ARHGAP21: variants seen among roughly 807,000 people sequenced by gnomAD.
ARHGAP21 encodes rho GTPase-activating protein 21.
ARHGAP21 carries 38 observed loss-of-function variants against 164.6 expected under a neutral mutation model. That is an observed-to-expected ratio of 0.23 (90% confidence interval 0.18 to 0.30). The LOEUF (loss-of-function observed/expected upper bound fraction) is 0.30. Among genes scored for constraint, ARHGAP21 ranks in the 10% least tolerant of loss-of-function variants. The pLI is 1.00. For missense variants in ARHGAP21, 1,822 were observed against 2,370.7 expected (o/e 0.77, Z 4.81); for synonymous variants, 766 against 857.9 (o/e 0.89, Z 1.87).
intron 3 of ARHGAP21, 35 bp downstream of exon 3, chr10:24,670,183 T>G (rs531076679): frequency 7.0e-5 from 102 of 1,459,820 alleles, no homozygotes; most frequent in East Asian, 3.1e-4. Context: ...GGCCTTGTGG[T>G]TTTTTTTTCA....
intron 12 of ARHGAP21, 46 bp from the exon 13 acceptor site, chr10:24,602,149 T>C (rs1564985442): frequency 1.3e-6 from 2 of 1,569,808 alleles, no homozygotes; most frequent in Non-Finnish European, 1.7e-6. Context: ...CATTTTCCTT[T>C]ATAAATATTT....
At chr10:24,588,704 T>C (rs1364670643) in intron 25 of ARHGAP21, among the ~76,000 whole-genome samples, 1 of 152,198 alleles carries the variant, frequency 6.6e-6, no homozygotes, top group African/African-American at 2.4e-5. Flanking sequence ...TCCCACAAAC[T>C]ACTCAAAAAG....
At chr10:24,592,917 T>C (rs1227183663) in intron 21 of ARHGAP21, among the ~76,000 whole-genome samples, 2 of 152,180 alleles carry the variant, frequency 1.3e-5, no homozygotes, top group African/African-American at 4.8e-5. Context: ...AAACCAATCT[T>C]CTGAAGCTAC....
intron 17 of ARHGAP21, chr10:24,596,247 G>T (rs1213135704): frequency 2.4e-6 from 1 of 411,156 alleles, no homozygotes; most frequent in African/African-American, 2.7e-5. Context: ...GAGACTGAAA[G>T]AAAGAGAGGG....
At chr10:24,713,636 T>C (rs1190065992) in intron 2 of ARHGAP21, among the ~76,000 whole-genome samples, 1 of 151,650 alleles carries the variant, frequency 6.6e-6, no homozygotes, top group African/African-American at 2.4e-5. Context: ...GTTTCTTTTT[T>C]TCTTTTTTTT....
Position 24,670,402 on chromosome 10 carries a change from A to G in ARHGAP21, c.64-5T>C. 6.3e-7 allele frequency: 1 copy of G among 1,575,768 alleles called. No individual in the cohort carries two copies. Among genetic ancestry groups the G allele is most frequent in the Non-Finnish European group, 8.6e-7 (1 of 1,159,468 alleles). The stretch of plus-strand genomic sequence containing the variant: ...TCCATCTTTATTTTTTGAGACCTAA[A>G]GTGAAAAGATATTTAAAAGTTAACT... On this transcript the variant is annotated splice_region_variant and splice_polypyrimidine_tract_variant and intron_variant, in intron 2 of 25. Coordinates refer to ENST00000396432, the MANE Select transcript of ARHGAP21 (RefSeq NM_020824.4).
chr10:24,602,197 G>A, intron 12 of ARHGAP21, 94 bp from the exon 13 acceptor site: 1 of 1,422,076 alleles, frequency 7.0e-7, no homozygotes, highest in Admixed American at 2.6e-5. Context: ...TTTATTTAAT[G>A]TTTCAAGTGA....
intron 3 of ARHGAP21, among the ~76,000 whole-genome samples, chr10:24,668,146 ATC>A (rs966733884): frequency 2.0e-5 from 3 of 152,226 alleles, no homozygotes. Flanking sequence ...AAGGTCACAG[ATC>A]TAACAGGAGG....
At chr10:24,646,474 C>T (rs1188883285) in intron 4 of ARHGAP21, among the ~76,000 whole-genome samples, 2 of 151,996 alleles carry the variant, frequency 1.3e-5, no homozygotes, top group African/African-American at 4.8e-5. Context: ...CTTGTCGCTA[C>T]AAAAAATACA....
chr10:24,645,707 T>A (rs1837501591), intron 4 of ARHGAP21, among the ~76,000 whole-genome samples: 1 of 152,230 alleles, frequency 6.6e-6, no homozygotes. Flanking sequence ...AATCAGAGCC[T>A]GTATTCTACA....
At chr10:24,651,881 G>T (rs1838206534) in intron 4 of ARHGAP21, among the ~76,000 whole-genome samples, 1 of 152,012 alleles carries the variant, frequency 6.6e-6, no homozygotes, top group Admixed American at 6.6e-5. Context: ...TTTCATGTGG[G>T]TATAGAAACT....
At chr10:24,591,199 G>A in intron 24 of ARHGAP21, 26 bp downstream of exon 24, 3 of 1,556,268 alleles carry the variant, frequency 1.9e-6, no homozygotes, top group South Asian at 1.1e-5. Context: ...CAGCCTAGAG[G>A]TCAAGACTGC....
chr10:24,627,657 C>T (rs868289648), intron 7 of ARHGAP21, among the ~76,000 whole-genome samples: 13 of 152,096 alleles, frequency 8.5e-5, no homozygotes, highest in Admixed American at 2.6e-4. Flanking sequence ...CTCTGGGATA[C>T]TTTATATTTT....
At position 24,722,284 on chromosome 10, in the gene ARHGAP21, G is replaced by A. The variant is rs756217583; in HGVS notation, c.-380-5C>T. On this transcript the variant is annotated splice_region_variant and splice_polypyrimidine_tract_variant and intron_variant, in intron 1 of 25. Transcript: ENST00000396432. Reference sequence around the variant, plus strand: ...GTGTCAGCTCCTAGAGAGATCCTAGGAAAACGAGAAGTTAAAGGTCATGAA... The same window carrying A: ...GTGTCAGCTCCTAGAGAGATCCTAGAAAAACGAGAAGTTAAAGGTCATGAA... The A allele has an allele frequency of 9.0e-6, 2 of 221,968 alleles. No individual in the cohort carries two copies. Among genetic ancestry groups the A allele is most frequent in the South Asian group, 1.6e-4 (2 of 12,564 alleles). The allele number at this position is 221,968 out of a possible 1,614,324, so 13.7% of individuals were successfully genotyped here.
Position 24,670,394 on chromosome 10 carries a change from A to G in ARHGAP21, c.67T>C (p.Ser23Pro), listed in dbSNP as rs1374593753. The change falls in exon 3 of 26, where the codon TCA (serine) becomes CCA (proline). Residue 23 changes from serine (S) to proline (P), a missense_variant. By Grantham distance (74) the Ser-to-Pro change is moderately conservative. Around this residue, in one of 5 missense-constraint regions of ARHGAP21, gnomAD observed 1,090 missense variants for 1,378.9 expected, o/e 0.79. Transcript: ENST00000396432. Reference protein sequence around the residue: ...DGDKLKACEVSKNKDGKEQSE... With the variant: ...DGDKLKACEVPKNKDGKEQSE... ...TGTTCTTTTCCATCTTTATTTTTTG[A>G]GACCTAAAGTGAAAAGATATTTAAA... is the stretch of plus-strand genomic sequence containing the variant. 6.3e-7 allele frequency: 1 copy of G among 1,584,368 alleles called. No individual in the cohort carries two copies. The highest frequency in any genetic ancestry group is 2.3e-5 in the East Asian group (1 of 44,424).
At chr10:24,590,491 C>T in intron 24 of ARHGAP21, 2 of 1,535,020 alleles carry the variant, frequency 1.3e-6, no homozygotes, top group Non-Finnish European at 8.7e-7. Flanking sequence ...TGTTCAACAT[C>T]AGTATAGATT....
intron 2 of ARHGAP21, among the ~76,000 whole-genome samples, chr10:24,719,463 TTAGA>T (rs1445294557): frequency 6.6e-6 from 1 of 152,216 alleles, no homozygotes; most frequent in East Asian, 1.9e-4. Context: ...AGTTGGCTAA[TTAGA>T]TAAAGCATGA....
chr10:24,615,151 T>C (rs890105968), intron 9 of ARHGAP21, among the ~76,000 whole-genome samples: 2 of 152,148 alleles, frequency 1.3e-5, no homozygotes, highest in African/African-American at 2.4e-5. Context: ...GATCGTGTCA[T>C]TGCACTCCAG....
chr10:24,702,353 G>A (rs903471942), intron 2 of ARHGAP21, among the ~76,000 whole-genome samples: 1 of 151,456 alleles, frequency 6.6e-6, no homozygotes, highest in Non-Finnish European at 1.5e-5. Flanking sequence ...GGATGGTCTC[G>A]ATCTCCTGAC....
Sources: gnomAD v4.1 joint callset for allele counts (sites outside exome capture counted in the v4.1 genomes callset) on GRCh38, gnomAD v4.1.1 for gene constraint, gnomAD v4.1.1 regional missense constraint, MANE v1.5 for transcripts, NCBI Gene and HGNC (gene_info 2026-07-23, HGNC 2026-07-21) for gene names.